The following CCHCR1 variants were observed in gnomAD, a reference collection of about 807,000 sequenced individuals.
CCHCR1 encodes coiled-coil alpha-helical rod protein 1.
Under a neutral mutation model 114.6 loss-of-function variants are expected in CCHCR1, and 91 were observed. The ratio of observed to expected loss-of-function variants is 0.79; its 90% CI spans 0.67 to 0.94. The LOEUF is 0.94. CCHCR1 is among the 40% of genes least tolerant of loss of function. CCHCR1 has a pLI of 0.00. For synonymous variants in CCHCR1, 379 were observed against 428.5 expected, an observed-to-expected ratio of 0.88 and a Z score of 1.43; for missense variants, 899 against 1,079.9, an observed-to-expected ratio of 0.83 and a Z score of 2.35.
chr6:31,153,087 C>T (rs1775484220), intron 4 of CCHCR1, among the ~76,000 whole-genome samples: 1 of 152,114 alleles, frequency 6.6e-6, no homozygotes, highest in African/African-American at 2.4e-5. Context: ...AAGCAATTCT[C>T]CTGCCTCAGC....
At chr6:31,146,515 TCTGGGGCCGGG>T in intron 10 of CCHCR1, among the ~76,000 whole-genome samples, 1 of 152,208 alleles carries the variant, frequency 6.6e-6, no homozygotes, top group South Asian at 2.1e-4. Flanking sequence ...CCAAGGAGTG[TCTGGGGCCGGG>T]CTGGGGTTTC....
Position 31,150,846 on chromosome 6 carries a change from T to G in CCHCR1, c.980A>C (p.Asp327Ala), listed in dbSNP as rs1253456060. The change falls in exon 6 of 18, where the codon GAC becomes GCC. Residue 327 changes from aspartate to alanine, a missense_variant. Coordinates refer to ENST00000396268, the MANE Select transcript of CCHCR1 (RefSeq NM_001105564.2). This position sits in a 1 kb window ranked among gnomAD's most constrained non-coding sequence, Gnocchi z 5.3. ...AACCAGGGTCACCTGAGCCTCCAAG[T>G]CTTCCTGGGTCTTGCTAGGGTTGGG... ...LRKQLSKTQE[D>A]LEAQVTLVEN... 6.2e-7 allele frequency: 1 copy of G among 1,612,834 alleles called. No homozygotes were observed. The highest frequency in any genetic ancestry group is 1.1e-5 in the South Asian group (1 of 91,072).
In CCHCR1 at chr6:31,154,954, T is replaced by C. The variant is rs915175733; in HGVS notation, c.498-155A>G. ...AAGCTGGGGTATGGGGATGTCTGCATTGACATCATCATCATTCATCAAAGC... is the reference window on the plus strand; with the variant it reads ...AAGCTGGGGTATGGGGATGTCTGCACTGACATCATCATCATTCATCAAAGC... On this transcript the variant is annotated intron_variant, in intron 3 of 17. Coordinates refer to ENST00000396268, the MANE Select transcript of CCHCR1 (RefSeq NM_001105564.2). This position sits in a 1 kb window ranked among gnomAD's most constrained non-coding sequence, Gnocchi z 4.1. 6.6e-5 allele frequency among the ~76,000 whole-genome samples: 10 copies of C among 152,140 alleles called. No individual in the cohort carries two copies. The highest frequency in any genetic ancestry group is 2.4e-4 in the African/African-American group (10 of 41,424).
In CCHCR1 at chr6:31,143,168, G is replaced by T. The variant is rs763124411; in HGVS notation, c.2320-34C>A. 2.5e-6 allele frequency: 4 copies of T among 1,611,274 alleles called. No homozygotes were observed. Among genetic ancestry groups the T allele is most frequent in the Non-Finnish European group, 3.4e-6 (4 of 1,179,058 alleles). ...GAGAGGGTTAAACCTAGCCCGGATA[G>T]AGCCTCCCTCACCATCCTCTTTCCA... On this transcript the variant is annotated intron_variant, in intron 16 of 17. Coordinates refer to ENST00000396268, the MANE Select transcript of CCHCR1 (RefSeq NM_001105564.2). This position sits in a 1 kb window ranked among gnomAD's most constrained non-coding sequence, Gnocchi z 5.3.
rs1310263514 is a variant in CCHCR1, at chr6:31,148,797, G to C, written c.1363-69C>G. 1.2e-5 allele frequency: 10 copies of C among 843,044 alleles called. No individual in the cohort carries two copies. In the Admixed American group the frequency reaches 1.6e-4, roughly 14 times the overall value. The allele number at this position is 843,044 out of a possible 1,614,324, so 52.2% of individuals were successfully genotyped here. On this transcript the variant is annotated intron_variant, in intron 8 of 17. Coordinates refer to ENST00000396268, the MANE Select transcript of CCHCR1 (RefSeq NM_001105564.2). ...AGATGAGGGGGGCACTGGAAGCAAA[G>C]TGGCAGGTGCAGAGATCTCTGTAAG... is the stretch of plus-strand genomic sequence containing the variant.
rs773148037 is a variant in CCHCR1, at chr6:31,150,595, A to T, written c.1102-30T>A. Reference sequence around the variant, plus strand: ...GGGCAGAGGAAAGCAGCCCCTCTGTAGGGCCTCCATGCCGCCTTAGGTACC... The same window carrying T: ...GGGCAGAGGAAAGCAGCCCCTCTGTTGGGCCTCCATGCCGCCTTAGGTACC... On this transcript the variant is annotated intron_variant, in intron 6 of 17. Transcript: ENST00000396268. The surrounding 1 kb of genome is among the most constrained non-coding windows in gnomAD (Gnocchi z 5.3). 6.3e-7 allele frequency: 1 copy of T among 1,599,980 alleles called. No homozygotes were observed. Among genetic ancestry groups the T allele is most frequent in the East Asian group, 2.2e-5 (1 of 44,710 alleles).
rs769052341 is a variant in CCHCR1 at position 31,148,505 on chromosome 6, GC to G, written c.1479del (p.Gln494SerfsTer4). The G allele has an allele frequency of 1.9e-6, 3 of 1,611,660 alleles. No individual in the cohort carries two copies. On this transcript the variant is annotated frameshift_variant, in exon 10 of 18. Coordinates refer to ENST00000396268, the MANE Select transcript of CCHCR1 (RefSeq NM_001105564.2). LOFTEE classifies it high-confidence loss of function. Reference sequence around the variant, plus strand: ...TCCTGAGCACGGCTCAGCTCCAACTGCAGGCCCTGGGGAGGATGCAGCAAAG... The same window carrying G: ...TCCTGAGCACGGCTCAGCTCCAACTGAGGCCCTGGGGAGGATGCAGCAAAG... ...VEVERMGAKG[L>X]QLELSRAQEA...
Position 31,142,652 on chromosome 6 carries a change from A to G in CCHCR1, c.2556T>C (p.Ala852=), listed in dbSNP as rs780790518. The G allele has an allele frequency of 1.9e-6, 3 of 1,613,538 alleles. No individual in the cohort carries two copies. In the Admixed American group the frequency reaches 5.0e-5, roughly 27 times the overall value. ...DLSEAISKEE[A]VCQGDNLDRC... is the part of the protein sequence containing the mutation. ...TGTCAAGGTTGTCTCCTTGACAAAC[A>G]GCTTCCTCTTTGGAAATGGCTTCAC... Residue 852 remains alanine, a synonymous_variant, in exon 18 of 18, where the codon GCT becomes GCC. Transcript: ENST00000396268.
Position 31,154,561 on chromosome 6 carries a change from G to C in CCHCR1, c.736C>G (p.Arg246Gly). Residue 246 changes from arginine to glycine, a missense_variant, in exon 4 of 18, where the codon CGG becomes GGG. Coordinates refer to ENST00000396268, the MANE Select transcript of CCHCR1 (RefSeq NM_001105564.2). This position sits in a 1 kb window ranked among gnomAD's most constrained non-coding sequence, Gnocchi z 4.1. ...RAALAGAEVV[R>G]KNLEEGSQRE... ...TGGCTCCCCTCTTCCAAGTTCTTCCGGACAACCTCAGCCCCAGCCAAAGCA... is the reference window on the plus strand; with the variant it reads ...TGGCTCCCCTCTTCCAAGTTCTTCCCGACAACCTCAGCCCCAGCCAAAGCA... 6.2e-7 allele frequency: 1 copy of C among 1,613,032 alleles called. No individual in the cohort carries two copies.
At position 31,150,657 on chromosome 6, in the gene CCHCR1, C is replaced by G; in HGVS notation, c.1101+68G>C. The G allele has an allele frequency of 6.3e-7, 1 of 1,596,728 alleles. No homozygotes were observed. Among genetic ancestry groups the G allele is most frequent in the Non-Finnish European group, 8.5e-7 (1 of 1,170,062 alleles). On this transcript the variant is annotated intron_variant, in intron 6 of 17. Transcript: ENST00000396268. The surrounding 1 kb of genome is among the most constrained non-coding windows in gnomAD (Gnocchi z 5.3). ...CGGAGGCTGTGCTCTACACGCTCCT[C>G]CAAGGGCCACGCTTGCCTCCCAACC...
chr6:31,142,790 C>T (rs1444779330), intron 17 of CCHCR1, 74 bp from the exon 18 acceptor site: 2 of 1,568,206 alleles, frequency 1.3e-6, no homozygotes, highest in Non-Finnish European at 8.7e-7. Flanking sequence ...AGGGCTGGCA[C>T]AGGAAATGAG....
Position 31,148,440 on chromosome 6 carries a change from C to T in CCHCR1, c.1545G>A (p.Glu515=). ...RRWQQQTASA[E]EQLRLVVNAV... is the part of the protein sequence containing the mutation. ...CATTGACCACAAGCCTCAGCTGCTCCTCGGCTGAGGCTGTCTGCTGCTGCC... is the reference window on the plus strand; with the variant it reads ...CATTGACCACAAGCCTCAGCTGCTCTTCGGCTGAGGCTGTCTGCTGCTGCC... Residue 515 remains glutamate, a synonymous_variant, in exon 10 of 18, where the codon GAG becomes GAA. Coordinates refer to ENST00000396268, the MANE Select transcript of CCHCR1 (RefSeq NM_001105564.2). 1 of 1,611,956 alleles carries T rather than the reference C, an allele frequency of 6.2e-7. No individual in the cohort carries two copies. Among genetic ancestry groups the T allele is most frequent in the Non-Finnish European group, 8.5e-7 (1 of 1,179,100 alleles).
chr6:31,148,556 GCTGCAGC>G (rs1235031408), intron 9 of CCHCR1, 45 bp from the exon 10 acceptor site: 9 of 1,595,252 alleles, frequency 5.6e-6, no homozygotes, highest in Admixed American at 1.7e-5. Flanking sequence ...CTAAGTCCTG[GCTGCAGC>G]CCCGGAACAG....
chr6:31,149,816 G>T (rs530513451), intron 8 of CCHCR1: 1 of 489,824 alleles, frequency 2.0e-6, no homozygotes, highest in Non-Finnish European at 3.6e-6. Flanking sequence ...CAAAGTGATC[G>T]CATTATAGGT....
At position 31,144,761 on chromosome 6, in the gene CCHCR1, T is replaced by C; in HGVS notation, c.2093A>G (p.Glu698Gly). The change falls in exon 15 of 18, where the codon GAA becomes GGA. Residue 698 changes from glutamate (E) to glycine (G), a missense_variant. Physicochemically the swap from Glu to Gly is moderately conservative, Grantham distance 98. Transcript: ENST00000396268. This position sits in a 1 kb window ranked among gnomAD's most constrained non-coding sequence, Gnocchi z 4.6. ...QALQEKVAEV[E>G]TRLREQLSDT... ...TGAGAGTTGCTCCCGCAGCCGAGTTTCCACTTCAGCCACCTTTTCTTGCAG... is the reference window on the plus strand; with the variant it reads ...TGAGAGTTGCTCCCGCAGCCGAGTTCCCACTTCAGCCACCTTTTCTTGCAG... 6.2e-7 allele frequency: 1 copy of C among 1,614,008 alleles called. No individual in the cohort carries two copies. Among genetic ancestry groups the C allele is most frequent in the South Asian group, 1.1e-5 (1 of 91,070 alleles).
chr6:31,145,233 G>C lies in CCHCR1; in HGVS notation c.1809C>G (p.Arg603=), dbSNP rs754470763. The C allele has an allele frequency of 6.2e-7, 1 of 1,613,586 alleles. No homozygotes were observed. The highest frequency in any genetic ancestry group is 8.5e-7 in the Non-Finnish European group (1 of 1,179,992). ...CACTCAGCTGCAGTTCTGCATCCAG[G>C]CGGTTCCGTTCTTCCCGCAACTGCT... ...ELQQLREERN[R]LDAELQLSAR... is the part of the protein sequence containing the mutation. The change falls in exon 13 of 18, where the codon CGC becomes CGG. Residue 603 remains arginine, a synonymous_variant. Coordinates refer to ENST00000396268, the MANE Select transcript of CCHCR1 (RefSeq NM_001105564.2).
At chr6:31,148,136 C>T (rs1158007603) in intron 10 of CCHCR1, among the ~76,000 whole-genome samples, 2 of 152,292 alleles carry the variant, frequency 1.3e-5, no homozygotes, top group East Asian at 3.9e-4. Flanking sequence ...CAAGCCATTA[C>T]TAGACTGAAC....
At chr6:31,142,745 A>G in intron 17 of CCHCR1, 29 bp from the exon 18 acceptor site, 1 of 1,593,830 alleles carries the variant, frequency 6.3e-7, no homozygotes, top group African/African-American at 1.3e-5. Context: ...GATGAGCACC[A>G]GACAAGGGAA....
Position 31,154,723 on chromosome 6 carries a change from G to A in CCHCR1, c.574C>T (p.Arg192Trp), listed in dbSNP as rs130065. 0.2 allele frequency: 324,543 copies of A among 1,608,406 alleles called. 36,090 individuals carry two copies. Among genetic ancestry groups the A allele is most frequent in the Non-Finnish European group, 0.23 (271,931 of 1,179,792 alleles). The stretch of plus-strand genomic sequence containing the variant: ...AGGAGCCGGACCTCCTCCTCCAGCC[G>A]CCGCAGCTCTTGCAGCTGCCGAACG... ...VIVRQLQELRRLEEEVRLLRE... is the reference protein window; with the variant it reads ...VIVRQLQELRWLEEEVRLLRE... The change falls in exon 4 of 18, where the codon CGG (arginine) becomes TGG (tryptophan). Residue 192 changes from arginine (R) to tryptophan (W), a missense_variant. Arg to Trp is a moderately radical substitution (Grantham distance 101, BLOSUM62 -3). Coordinates refer to ENST00000396268, the MANE Select transcript of CCHCR1 (RefSeq NM_001105564.2). The surrounding 1 kb of genome is among the most constrained non-coding windows in gnomAD (Gnocchi z 4.1).
Sources: allele counts gnomAD v4.1 joint callset (sites outside exome capture counted in the v4.1 genomes callset), GRCh38; gene constraint gnomAD v4.1.1; non-coding constraint Gnocchi (gnomAD v3.1); transcripts MANE v1.5; gene names NCBI Gene and HGNC (gene_info 2026-07-23, HGNC 2026-07-21).